The following KCNMA1 variants were observed in gnomAD, a reference collection of about 807,000 sequenced individuals.
KCNMA1 encodes potassium calcium-activated channel subfamily M alpha 1, also known as Calcium-activated potassium channel subunit alpha-1.
In KCNMA1, 29 loss-of-function variants were observed where a neutral mutation model predicts 140.0. That is an observed-to-expected ratio of 0.21 (90% CI 0.15 to 0.28). KCNMA1 has a LOEUF of 0.28. KCNMA1 is among the 10% of genes least tolerant of loss of function. The pLI, the probability that KCNMA1 is intolerant of heterozygous loss-of-function variation, is 1.00. For synonymous variants in KCNMA1, 612 were observed against 611.9 expected (o/e 1.00, Z 0.00); for missense variants, 880 against 1,602.2 (o/e 0.55, Z 7.70).
At chr10:77,208,459 G>T (rs1393091701) in intron 3 of KCNMA1, among the ~76,000 whole-genome samples, 2 of 152,086 alleles carry the variant, frequency 1.3e-5, no homozygotes, top group African/African-American at 2.4e-5. Context: ...ACTCCAGCCT[G>T]GGCAACATAG....
intron 9 of KCNMA1, among the ~76,000 whole-genome samples, chr10:77,105,112 C>T (rs73290396): frequency 0.02 from 3,027 of 152,242 alleles, 100 homozygotes; most frequent in African/African-American, 0.068. Context: ...TTAGATGCTC[C>T]AATCCATCAT....
At chr10:77,201,051 C>T (rs2042284963) in intron 3 of KCNMA1, among the ~76,000 whole-genome samples, 1 of 152,216 alleles carries the variant, frequency 6.6e-6, no homozygotes, top group African/African-American at 2.4e-5. Flanking sequence ...TCCTTAGTTT[C>T]CAGAGGGCTG....
chr10:77,039,433 C>T, intron 15 of KCNMA1, 95 bp downstream of exon 15: 3 of 781,874 alleles, frequency 3.8e-6, no homozygotes, highest in Non-Finnish European at 6.9e-6. Context: ...TTGTCAAGTG[C>T]TCCAACTGTA....
At chr10:76,963,010 T>C (rs570524002) in intron 20 of KCNMA1, among the ~76,000 whole-genome samples, 4 of 152,318 alleles carry the variant, frequency 2.6e-5, no homozygotes, top group African/African-American at 4.8e-5. Flanking sequence ...AAAAAGGGCA[T>C]TGTGATGTGA....
chr10:77,153,572 A>G (rs770452337), intron 5 of KCNMA1, among the ~76,000 whole-genome samples: 3 of 151,954 alleles, frequency 2.0e-5, no homozygotes, highest in Non-Finnish European at 4.4e-5. Flanking sequence ...GGGTTTCACC[A>G]TGTTGCCCAG....
At chr10:77,522,988 C>T (rs1232208533) in intron 1 of KCNMA1, among the ~76,000 whole-genome samples, 2 of 152,140 alleles carry the variant, frequency 1.3e-5, no homozygotes, top group African/African-American at 4.8e-5. Context: ...CCTCTAAGTG[C>T]CAATGTAAAG....
chr10:77,517,173 C>T (rs145666974), intron 1 of KCNMA1, among the ~76,000 whole-genome samples: 7 of 152,242 alleles, frequency 4.6e-5, no homozygotes, highest in African/African-American at 1.7e-4. Flanking sequence ...ACCCTTGGCA[C>T]TCCAGGAAGA....
At chr10:77,047,517 T>C (rs1013164941) in intron 14 of KCNMA1, among the ~76,000 whole-genome samples, 23 of 151,748 alleles carry the variant, frequency 1.5e-4, no homozygotes. Context: ...GCAAGAGTGA[T>C]ATGAGAACTT....
At chr10:77,429,073 G>A (rs1436939006) in intron 1 of KCNMA1, among the ~76,000 whole-genome samples, 1 of 152,176 alleles carries the variant, frequency 6.6e-6, no homozygotes, top group East Asian at 1.9e-4. Context: ...ATATGGGTCT[G>A]GTGCCAGAAA....
intron 15 of KCNMA1, 99 bp downstream of exon 15, chr10:77,039,429 A>G: frequency 1.3e-6 from 1 of 769,608 alleles, no homozygotes; most frequent in East Asian, 2.6e-5. Flanking sequence ...GCAATTGTCA[A>G]GTGCTCCAAC....
chr10:76,957,945 G>C (rs2069069973), intron 20 of KCNMA1, among the ~76,000 whole-genome samples: 1 of 152,244 alleles, frequency 6.6e-6, no homozygotes. Context: ...TGTTGCTGTA[G>C]TAATTTCAAG....
intron 14 of KCNMA1, among the ~76,000 whole-genome samples, chr10:77,049,903 T>C (rs145372205): frequency 6.6e-6 from 1 of 152,362 alleles, no homozygotes; most frequent in East Asian, 1.9e-4. Flanking sequence ...CAGAACATCT[T>C]GGGCTTCTTA....
At chr10:76,890,939 G>A (rs567867250) in intron 26 of KCNMA1, among the ~76,000 whole-genome samples, 17 of 152,198 alleles carry the variant, frequency 1.1e-4, no homozygotes, top group Non-Finnish European at 1.8e-4. Context: ...TTTGGCCGGT[G>A]GTTCTGGATA....
At chr10:77,510,298 C>T (rs1408341016) in intron 1 of KCNMA1, among the ~76,000 whole-genome samples, 1 of 151,956 alleles carries the variant, frequency 6.6e-6, no homozygotes, top group Non-Finnish European at 1.5e-5. Context: ...ATAAGGATCC[C>T]TATTCATTTC....
At chr10:77,597,202 G>A (rs755021084) in intron 1 of KCNMA1, among the ~76,000 whole-genome samples, 11 of 152,102 alleles carry the variant, frequency 7.2e-5, no homozygotes, top group African/African-American at 1.2e-4. Context: ...CCTCTATACC[G>A]TGAAAATTCT....
In KCNMA1 at chr10:77,248,792, A is replaced by G. The variant is rs186851109; in HGVS notation, c.602+2403T>C. 3.5e-3 allele frequency among the ~76,000 whole-genome samples: 535 copies of G among 152,204 alleles called. 1 individual carries two copies. Among genetic ancestry groups the G allele is most frequent in the African/African-American group, 0.012 (506 of 41,522 alleles). ...CACTGTGTTTTATTCCTGGAAATCT[A>G]TGGACTTACCATAGAGATGGCTTTA... On this transcript the variant is annotated intron_variant, in intron 3 of 27. Transcript: ENST00000286628.
intron 2 of KCNMA1, among the ~76,000 whole-genome samples, chr10:77,264,828 A>G (rs1290149077): frequency 6.6e-6 from 1 of 152,146 alleles, no homozygotes; most frequent in Admixed American, 6.5e-5. Flanking sequence ...GAAGATCTTT[A>G]TGTGCTAGAA....
chr10:76,932,994 G>A (rs1053337827), intron 23 of KCNMA1, among the ~76,000 whole-genome samples: 1 of 152,152 alleles, frequency 6.6e-6, no homozygotes, highest in Admixed American at 6.5e-5. Flanking sequence ...GCCAGTCAAA[G>A]GTTGAGGGCC....
intron 15 of KCNMA1, among the ~76,000 whole-genome samples, chr10:77,031,637 A>G (rs926925332): frequency 2.0e-5 from 3 of 152,228 alleles, no homozygotes; most frequent in Middle Eastern, 3.2e-3. Flanking sequence ...GAGTTGGCCA[A>G]TGTCACAATC....
Sources: gnomAD v4.1 joint callset for allele counts (sites outside exome capture counted in the v4.1 genomes callset) on GRCh38, gnomAD v4.1.1 for gene constraint, MANE v1.5 for transcripts, NCBI Gene and HGNC (gene_info 2026-07-23, HGNC 2026-07-21) for gene names.